The following CRACD variants were observed in gnomAD, a reference collection of about 807,000 sequenced individuals.
CRACD encodes the protein capping protein-inhibiting regulator of actin dynamics.
A neutral mutation model predicts 106.8 loss-of-function variants in CRACD; 56 were observed. The observed-to-expected ratio is 0.52, with a 90% confidence interval of 0.42 to 0.66. The LOEUF is 0.66. Ranked by LOEUF, CRACD falls within the 30% of genes least tolerant of loss-of-function variation. The probability of loss-of-function intolerance (pLI) is 0.00; values close to 1 mark genes in which losing one functional copy is unlikely to be tolerated. For missense variants in CRACD, 1,730 were observed against 1,623.2 expected (o/e 1.07, Z -1.13); for synonymous variants, 754 against 670.8 (o/e 1.12, Z -1.92).
chr4:56,275,670 T>G (rs1742634427), intron 3 of CRACD, among the ~76,000 whole-genome samples: 1 of 152,246 alleles, frequency 6.6e-6, no homozygotes, highest in Admixed American at 6.5e-5. Context: ...ATGGTTCAAT[T>G]AACAGACTGT....
chr4:56,283,851 C>G (rs746385609), intron 3 of CRACD, among the ~76,000 whole-genome samples: 1 of 152,102 alleles, frequency 6.6e-6, no homozygotes, highest in Admixed American at 6.5e-5. Context: ...CATGTAGACA[C>G]CAGGAAAACT....
chr4:56,267,687 G>A (rs753546414), intron 2 of CRACD, among the ~76,000 whole-genome samples: 3 of 152,112 alleles, frequency 2.0e-5, no homozygotes, highest in East Asian at 1.9e-4. Flanking sequence ...TTCTTTCACC[G>A]TCCTGATAAT....
At position 56,314,039 on chromosome 4, in the gene CRACD, G is replaced by A; in HGVS notation, c.538-1G>A. 6.2e-7 allele frequency: 1 copy of A among 1,611,168 alleles called. No individual in the cohort carries two copies. Among genetic ancestry groups the A allele is most frequent in the Non-Finnish European group, 8.5e-7 (1 of 1,178,514 alleles). On this transcript the variant is annotated splice_acceptor_variant, in intron 7 of 10. Coordinates refer to ENST00000682029, the MANE Select transcript of CRACD (RefSeq NM_001393381.1). LOFTEE classifies it high-confidence loss of function. This position sits in a 1 kb window ranked among gnomAD's most constrained non-coding sequence, Gnocchi z 4.4. ...AATTGTGTTTTCCTTTCCAATGTTA[G>A]GATCCACAACATGAGCAAGGCGGCC... is the stretch of plus-strand genomic sequence containing the variant.
intron 2 of CRACD, among the ~76,000 whole-genome samples, chr4:56,265,700 A>G (rs897752412): frequency 6.6e-6 from 1 of 152,156 alleles, no homozygotes; most frequent in African/African-American, 2.4e-5. Flanking sequence ...AACAGATTTA[A>G]TTTTATTTTG....
intron 1 of CRACD, among the ~76,000 whole-genome samples, chr4:56,101,807 C>T (rs980007050): frequency 1.5e-4 from 23 of 150,176 alleles, no homozygotes; most frequent in African/African-American, 4.4e-4. Context: ...ATGTATGATA[C>T]GATTGTGCAT....
At chr4:56,188,736 G>GAGAGAGAGAGAGA (rs746010336) in intron 2 of CRACD, among the ~76,000 whole-genome samples, 1 of 122,770 alleles carries the variant, frequency 8.1e-6, no homozygotes, top group Non-Finnish European at 1.7e-5. Context: ...AGAGAGAGAG[G>GAGAGAGAGAGAGA]GGTTAACATT....
At chr4:56,138,651 A>G (rs1220901732) in intron 1 of CRACD, among the ~76,000 whole-genome samples, 2 of 152,138 alleles carry the variant, frequency 1.3e-5, no homozygotes, top group Admixed American at 6.5e-5. Flanking sequence ...TCTATTAACT[A>G]TCCTGTACTA....
chr4:56,202,537 G>A (rs887946268), intron 2 of CRACD, among the ~76,000 whole-genome samples: 39 of 152,240 alleles, frequency 2.6e-4, no homozygotes, highest in East Asian at 7.7e-4. Flanking sequence ...GTGAGCCACC[G>A]CGCCCAGCAT....
chr4:56,300,655 C>T (rs1352891656), intron 4 of CRACD, among the ~76,000 whole-genome samples: 1 of 152,120 alleles, frequency 6.6e-6, no homozygotes, highest in East Asian at 1.9e-4. Flanking sequence ...GATTTCAGTT[C>T]ACAAAACAGC....
intron 1 of CRACD, among the ~76,000 whole-genome samples, chr4:56,147,296 A>C (rs1015729995): frequency 2.0e-5 from 3 of 152,252 alleles, no homozygotes; most frequent in Middle Eastern, 3.2e-3. Context: ...GCAAGAAACG[A>C]GCAAAAAGAG....
intron 2 of CRACD, among the ~76,000 whole-genome samples, chr4:56,209,418 A>G (rs1738290160): frequency 1.3e-5 from 2 of 152,116 alleles, no homozygotes; most frequent in Non-Finnish European, 2.9e-5. Flanking sequence ...CATCAAAAGC[A>G]TATCTTGCTT....
At chr4:56,250,811 A>G (rs575499949) in intron 2 of CRACD, among the ~76,000 whole-genome samples, 6 of 152,342 alleles carry the variant, frequency 3.9e-5, no homozygotes, top group Admixed American at 2.0e-4. Context: ...ACATGGCCTA[A>G]GTTTAATACA....
intron 1 of CRACD, among the ~76,000 whole-genome samples, chr4:56,170,826 G>A (rs1331475046): frequency 6.6e-6 from 1 of 152,126 alleles, no homozygotes; most frequent in Non-Finnish European, 1.5e-5. Context: ...GCAGCAGGAT[G>A]AGACCCTATC....
chr4:56,089,355 A>G (rs949084591), intron 1 of CRACD, among the ~76,000 whole-genome samples: 5 of 151,996 alleles, frequency 3.3e-5, no homozygotes, highest in African/African-American at 9.7e-5. Flanking sequence ...TTGAGGGTTC[A>G]CTTTGCGGAT....
chr4:56,112,243 A>G (rs1009374105), intron 1 of CRACD, among the ~76,000 whole-genome samples: 1 of 152,188 alleles, frequency 6.6e-6, no homozygotes, highest in Non-Finnish European at 1.5e-5. Flanking sequence ...TGAGGCATTT[A>G]TAGCAGGGAA....
chr4:56,188,707 C>CAGAG (rs1560477300), intron 2 of CRACD, among the ~76,000 whole-genome samples: 1 of 134,848 alleles, frequency 7.4e-6, no homozygotes, highest in African/African-American at 3.0e-5. Context: ...CACACACACA[C>CAGAG]ACACAGAGAG....
intron 1 of CRACD, among the ~76,000 whole-genome samples, chr4:56,128,142 G>A (rs184819687): frequency 2.8e-4 from 43 of 152,082 alleles, no homozygotes; most frequent in African/African-American, 8.9e-4. Flanking sequence ...TGTGTGTGGG[G>A]GTGTGGTCTA....
intron 1 of CRACD, among the ~76,000 whole-genome samples, chr4:56,143,446 G>A (rs1052298006): frequency 2.6e-5 from 4 of 151,616 alleles, no homozygotes; most frequent in Non-Finnish European, 5.9e-5. Flanking sequence ...CTTATTCCTT[G>A]TTTTCCTTCT....
At chr4:56,232,357 G>A (rs1394908137) in intron 2 of CRACD, among the ~76,000 whole-genome samples, 6 of 152,042 alleles carry the variant, frequency 3.9e-5, no homozygotes, top group Non-Finnish European at 7.4e-5. Context: ...TCGCCAAGTA[G>A]TATTCCATTG....
Sources: allele counts gnomAD v4.1 joint callset (sites outside exome capture counted in the v4.1 genomes callset), GRCh38; gene constraint gnomAD v4.1.1; non-coding constraint Gnocchi (gnomAD v3.1); transcripts MANE v1.5; gene names NCBI Gene and HGNC (gene_info 2026-07-23, HGNC 2026-07-21).